The following VTCN1 variants were observed in gnomAD, a reference collection of about 807,000 sequenced individuals.
VTCN1 encodes the protein V-set domain containing T cell activation inhibitor 1.
VTCN1 carries 26 observed loss-of-function variants against 26.5 expected under a neutral mutation model. The observed-to-expected ratio is 0.98, with a 90% CI of 0.72 to 1.36. The LOEUF (loss-of-function observed/expected upper bound fraction) is 1.36. Ranked by LOEUF, VTCN1 falls within the 40% of genes most tolerant of loss-of-function variation. The pLI, the probability that VTCN1 is intolerant of heterozygous loss-of-function variation, is 0.00. For missense variants in VTCN1, 298 were observed against 337.7 expected, an observed-to-expected ratio of 0.88 and a Z score of 0.92; for synonymous variants, 116 against 130.7, an observed-to-expected ratio of 0.89 and a Z score of 0.77.
At chr1:117,199,589 G>A (rs904843604) in intron 1 of VTCN1, among the ~76,000 whole-genome samples, 3 of 151,596 alleles carry the variant, frequency 2.0e-5, no homozygotes, top group African/African-American at 7.3e-5. Flanking sequence ...GCCTCCCAAA[G>A]TGCTGGGATT....
intron 1 of VTCN1, among the ~76,000 whole-genome samples, chr1:117,206,841 T>C (rs888585491): frequency 6.6e-6 from 1 of 152,124 alleles, no homozygotes; most frequent in Non-Finnish European, 1.5e-5. Flanking sequence ...CTACCCTCAA[T>C]AGGAGCAGGA....
At chr1:117,156,032 T>A (rs1390255066) in intron 3 of VTCN1, among the ~76,000 whole-genome samples, 4 of 152,226 alleles carry the variant, frequency 2.6e-5, no homozygotes, top group Admixed American at 6.5e-5. Context: ...ACTCTCACAG[T>A]ACCTGAGTCC....
chr1:117,184,960 T>G (rs1266308256), intron 1 of VTCN1, among the ~76,000 whole-genome samples: 25 of 152,178 alleles, frequency 1.6e-4, no homozygotes, highest in Admixed American at 1.6e-3. Flanking sequence ...GTCTAGAAAC[T>G]AATTAGCTTT....
chr1:117,169,368 C>G lies in VTCN1; in HGVS notation c.97+739G>C, dbSNP rs935080808. Among the ~76,000 whole-genome samples, 2 of 152,148 alleles carry G rather than the reference C, an allele frequency of 1.3e-5. No individual in the cohort carries two copies. Among genetic ancestry groups the G allele is most frequent in the Non-Finnish European group, 2.9e-5 (2 of 68,032 alleles). ...TAGTCATGACCAGTTGTCTCTTTAC[C>G]TAAGACCCCTGTGTACAAAGACTTG... On this transcript the variant is annotated intron_variant, in intron 2 of 5. Transcript: ENST00000369458. This position sits in a 1 kb window ranked among gnomAD's most constrained non-coding sequence, Gnocchi z 4.0.
chr1:117,200,277 G>A (rs1648728304), intron 1 of VTCN1, among the ~76,000 whole-genome samples: 1 of 152,138 alleles, frequency 6.6e-6, no homozygotes, highest in African/African-American at 2.4e-5. Flanking sequence ...GTGAGTACCT[G>A]TAATCCCAGC....
rs1652809002 is a variant in VTCN1 at position 117,169,886 on chromosome 1, C to A, written c.97+221G>T. ...CTCCAACCTGGGCAACAGAGCCAGA[C>A]CCTGTCTCAAAATAAATAAATAAAT... is the stretch of plus-strand genomic sequence containing the variant. On this transcript the variant is annotated intron_variant, in intron 2 of 5. Coordinates refer to ENST00000369458, the MANE Select transcript of VTCN1 (RefSeq NM_024626.4). This position sits in a 1 kb window ranked among gnomAD's most constrained non-coding sequence, Gnocchi z 4.0. 6.6e-6 allele frequency among the ~76,000 whole-genome samples: 1 copy of A among 152,080 alleles called. No individual in the cohort carries two copies. The highest frequency in any genetic ancestry group is 2.1e-4 in the South Asian group (1 of 4,826).
chr1:117,172,021 G>A (rs1652940829), intron 1 of VTCN1, among the ~76,000 whole-genome samples: 1 of 152,148 alleles, frequency 6.6e-6, no homozygotes, highest in Non-Finnish European at 1.5e-5. Flanking sequence ...TGGGAAGCTC[G>A]CCCGTTGCTG....
At chr1:117,172,193 C>T (rs551679918) in intron 1 of VTCN1, among the ~76,000 whole-genome samples, 5 of 152,298 alleles carry the variant, frequency 3.3e-5, no homozygotes, top group South Asian at 2.1e-4. Context: ...AAAAAAGAAA[C>T]GCGGGGCTTT....
At chr1:117,199,261 C>T (rs1447624986) in intron 1 of VTCN1, among the ~76,000 whole-genome samples, 1 of 152,090 alleles carries the variant, frequency 6.6e-6, no homozygotes, top group Non-Finnish European at 1.5e-5. Flanking sequence ...CTTTAATATG[C>T]TAATATGGAT....
chr1:117,204,169 C>T lies in VTCN1; in HGVS notation c.32+6655G>A, dbSNP rs142315806. Among the ~76,000 whole-genome samples, 664 of 152,260 alleles carry T rather than the reference C, an allele frequency of 4.4e-3. 7 individuals carry two copies. Among genetic ancestry groups the T allele is most frequent in the African/African-American group, 0.015 (638 of 41,558 alleles). ...AGTCTCTGTTTTTCTGCAAAAACATCGGAGGGAATAATTTGAGACTAATTA... is the reference window on the plus strand; with the variant it reads ...AGTCTCTGTTTTTCTGCAAAAACATTGGAGGGAATAATTTGAGACTAATTA... On this transcript the variant is annotated intron_variant, in intron 1 of 5. Coordinates refer to ENST00000369458, the MANE Select transcript of VTCN1 (RefSeq NM_024626.4).
intron 2 of VTCN1, among the ~76,000 whole-genome samples, chr1:117,157,454 G>A (rs528223247): frequency 6.6e-6 from 1 of 152,226 alleles, no homozygotes; most frequent in South Asian, 2.1e-4. Context: ...GTGGTGGCAA[G>A]AGAAAAATGA....
intron 1 of VTCN1, among the ~76,000 whole-genome samples, chr1:117,201,396 C>G (rs1228416860): frequency 6.6e-6 from 1 of 152,194 alleles, no homozygotes; most frequent in Non-Finnish European, 1.5e-5. Flanking sequence ...CAGAAAGGCA[C>G]AGTAACTCGG....
intron 1 of VTCN1, among the ~76,000 whole-genome samples, chr1:117,209,400 T>C (rs932556217): frequency 6.6e-6 from 1 of 152,166 alleles, no homozygotes; most frequent in Non-Finnish European, 1.5e-5. Context: ...GAACTGGGAC[T>C]GGCAGGAGCA....
rs750355529 is a variant in VTCN1, at chr1:117,153,372, G to A, written c.446-3C>T. 1 of 1,599,768 alleles carries A rather than the reference G, an allele frequency of 6.3e-7. No homozygotes were observed. Among genetic ancestry groups the A allele is most frequent in the Non-Finnish European group, 8.6e-7 (1 of 1,169,504 alleles). Reference sequence around the variant, plus strand: ...ATTCACTTCCGGCATGCTGAAGGCTGCAGGGTCAAAAGTCAGAAAGGGCAG... The same window carrying A: ...ATTCACTTCCGGCATGCTGAAGGCTACAGGGTCAAAAGTCAGAAAGGGCAG... On this transcript the variant is annotated splice_polypyrimidine_tract_variant and splice_region_variant and intron_variant, in intron 3 of 5. Transcript: ENST00000369458.
rs1299243992 is a variant in VTCN1, at chr1:117,157,463, G to T, written c.98-542C>A. Among the ~76,000 whole-genome samples, 4 of 152,146 alleles carry T rather than the reference G, an allele frequency of 2.6e-5. No individual in the cohort carries two copies. In the East Asian group the frequency reaches 7.7e-4, roughly 29 times the overall value. On this transcript the variant is annotated intron_variant, in intron 2 of 5. Coordinates refer to ENST00000369458, the MANE Select transcript of VTCN1 (RefSeq NM_024626.4). ...TACATGGTGGTGGCAAGAGAAAAAT[G>T]AGAAAGATGCAAAAGCAGAAACCCC...
intron 4 of VTCN1, among the ~76,000 whole-genome samples, chr1:117,149,846 G>C (rs1651702518): frequency 6.6e-6 from 1 of 152,120 alleles, no homozygotes; most frequent in African/African-American, 2.4e-5. Context: ...CACCTACTTT[G>C]TCTACAACAA....
Position 117,169,425 on chromosome 1 carries a change from T to C in VTCN1, c.97+682A>G, listed in dbSNP as rs1352069501. On this transcript the variant is annotated intron_variant, in intron 2 of 5. Transcript: ENST00000369458. This position sits in a 1 kb window ranked among gnomAD's most constrained non-coding sequence, Gnocchi z 4.0. ...TTTAACACTTCAGCTGAAGCTTCGT[T>C]GCAAAGAAATCATCTACCCAGGCCA... Among the ~76,000 whole-genome samples, 1 of 152,220 alleles carries C rather than the reference T, an allele frequency of 6.6e-6. No individual in the cohort carries two copies. The highest frequency in any genetic ancestry group is 1.5e-5 in the Non-Finnish European group (1 of 68,032).
chr1:117,187,557 T>C (rs1648010550), intron 1 of VTCN1, among the ~76,000 whole-genome samples: 1 of 152,170 alleles, frequency 6.6e-6, no homozygotes, highest in Non-Finnish European at 1.5e-5. Flanking sequence ...ACTAGCCATA[T>C]GCATCAGAAA....
chr1:117,203,312 G>C (rs1648879488), intron 1 of VTCN1, among the ~76,000 whole-genome samples: 1 of 152,016 alleles, frequency 6.6e-6, no homozygotes, highest in African/African-American at 2.4e-5. Context: ...GGCCATTCTG[G>C]GGGTGGAGGT....
Sources: allele counts gnomAD v4.1 joint callset (sites outside exome capture counted in the v4.1 genomes callset), GRCh38; gene constraint gnomAD v4.1.1; non-coding constraint Gnocchi (gnomAD v3.1); transcripts MANE v1.5; gene names NCBI Gene and HGNC (gene_info 2026-07-23, HGNC 2026-07-21).